ZNF354B: variants seen among roughly 807,000 people sequenced by gnomAD.
The protein encoded by ZNF354B is zinc finger protein 354B.
ZNF354B carries 10 observed loss-of-function variants against 12.9 expected under a neutral mutation model. The ratio of observed to expected loss-of-function variants is 0.77; its 90% CI spans 0.48 to 1.31. ZNF354B has a LOEUF of 1.31. Ranked by LOEUF, ZNF354B falls within the 40% of genes most tolerant of loss-of-function variation. The pLI, the probability that ZNF354B is intolerant of heterozygous loss-of-function variation, is 0.00. For missense variants in ZNF354B, 614 were observed against 711.7 expected (o/e 0.86, Z 1.56); for synonymous variants, 260 against 243.7 (o/e 1.07, Z -0.62).
chr5:178,878,049 A>G (rs7716977), intron 4 of ZNF354B, among the ~76,000 whole-genome samples: 6,238 of 152,200 alleles, frequency 0.041, 204 homozygotes, highest in East Asian at 0.12. Context: ...GGTGCTACTG[A>G]TGTCTATTGG....
chr5:178,860,879 T>C (rs1429332554), intron 1 of ZNF354B, 118 bp from the exon 2 acceptor site: 1 of 479,904 alleles, frequency 2.1e-6, no homozygotes, highest in East Asian at 4.5e-5. Flanking sequence ...TCCTGGCTCC[T>C]CCCGAATCCC....
Position 178,873,128 on chromosome 5 carries a change from T to C in ZNF354B, c.256+6057T>C, listed in dbSNP as rs6870889. ...ATAAAATGTCTGGGTATTTTGTTCA[T>C]TTTCTAGTTGAGTTATTTTGGAGTT... is the stretch of plus-strand genomic sequence containing the variant. On this transcript the variant is annotated intron_variant, in intron 4 of 4. Transcript: ENST00000322434. Among the ~76,000 whole-genome samples the C allele has an allele frequency of 5.3e-3, 807 of 152,296 alleles. 7 individuals carry two copies. Among genetic ancestry groups the C allele is most frequent in the African/African-American group, 0.018 (766 of 41,564 alleles).
chr5:178,880,718 C>T (rs1241691099), intron 4 of ZNF354B, among the ~76,000 whole-genome samples: 3 of 151,688 alleles, frequency 2.0e-5, no homozygotes, highest in African/African-American at 7.3e-5. Context: ...TGATCTCGAA[C>T]TCCTAGGCTC....
At chr5:178,878,618 T>G (rs1450489271) in intron 4 of ZNF354B, among the ~76,000 whole-genome samples, 1 of 152,234 alleles carries the variant, frequency 6.6e-6, no homozygotes, top group Non-Finnish European at 1.5e-5. Context: ...AAACTTCCAC[T>G]CTTGCTCTGA....
chr5:178,871,138 C>G (rs1206217713), intron 4 of ZNF354B, among the ~76,000 whole-genome samples: 2 of 152,172 alleles, frequency 1.3e-5, no homozygotes, highest in Non-Finnish European at 2.9e-5. Context: ...CCGTTGGTTT[C>G]CATCCCATAC....
rs541662268 is a variant in ZNF354B, at chr5:178,883,490, A to G, written c.1038A>G (p.Lys346=). Residue 346 remains lysine, a synonymous_variant, in exon 5 of 5, where the codon AAA becomes AAG. Coordinates refer to ENST00000322434, the MANE Select transcript of ZNF354B (RefSeq NM_058230.3). ...GCACTTCCCTTTCTGGAAGTCAGAAAATTCATCTCAGAAAGAAGTCCTACT... is the reference window on the plus strand; with the variant it reads ...GCACTTCCCTTTCTGGAAGTCAGAAGATTCATCTCAGAAAGAAGTCCTACT... The part of the protein sequence containing the change: ...SYSTSLSGSQ[K]IHLRKKSYLC... The G allele has an allele frequency of 5.0e-6, 8 of 1,614,150 alleles. No homozygotes were observed. In the South Asian group the frequency reaches 5.5e-5, roughly 11 times the overall value.
intron 4 of ZNF354B, among the ~76,000 whole-genome samples, chr5:178,871,450 C>G (rs1757563731): frequency 6.6e-6 from 1 of 152,232 alleles, no homozygotes; most frequent in African/African-American, 2.4e-5. Context: ...CTGCAGCCCC[C>G]ACGCCATCTC....
intron 4 of ZNF354B, among the ~76,000 whole-genome samples, chr5:178,867,985 A>T (rs1017763717): frequency 2.0e-5 from 3 of 152,202 alleles, no homozygotes. Flanking sequence ...CTTGCAGAGC[A>T]ATTGCAATCA....
intron 3 of ZNF354B, among the ~76,000 whole-genome samples, chr5:178,866,674 C>G (rs973175367): frequency 6.6e-6 from 1 of 150,666 alleles, no homozygotes; most frequent in East Asian, 1.9e-4. Context: ...GTTTGCTCAC[C>G]TCTCAGCAGA....
At chr5:178,879,333 C>T (rs1467309058) in intron 4 of ZNF354B, among the ~76,000 whole-genome samples, 3 of 151,810 alleles carry the variant, frequency 2.0e-5, no homozygotes, top group East Asian at 1.9e-4. Context: ...AGACGGGAGC[C>T]GCTGTGCCCA....
chr5:178,872,464 G>A (rs1366098231), intron 4 of ZNF354B, among the ~76,000 whole-genome samples: 3 of 152,142 alleles, frequency 2.0e-5, no homozygotes, highest in Non-Finnish European at 4.4e-5. Context: ...GCAGGTTTTT[G>A]TGCAAAAATT....
chr5:178,869,101 G>C (rs1193566762), intron 4 of ZNF354B, among the ~76,000 whole-genome samples: 1 of 152,222 alleles, frequency 6.6e-6, no homozygotes, highest in Non-Finnish European at 1.5e-5. Context: ...TGAGAGCTAA[G>C]CATAGGCTCT....
At chr5:178,862,323 G>C (rs1217596647) in intron 2 of ZNF354B, among the ~76,000 whole-genome samples, 1 of 151,190 alleles carries the variant, frequency 6.6e-6, no homozygotes, top group Non-Finnish European at 1.5e-5. Flanking sequence ...GGCAGATGCA[G>C]CCACGCGATA....
intron 4 of ZNF354B, among the ~76,000 whole-genome samples, chr5:178,872,932 G>A (rs1424538534): frequency 6.6e-6 from 1 of 151,968 alleles, no homozygotes; most frequent in Non-Finnish European, 1.5e-5. Flanking sequence ...GATTACAGGT[G>A]CATGCCACCA....
intron 4 of ZNF354B, among the ~76,000 whole-genome samples, chr5:178,877,749 G>A (rs1011824519): frequency 6.6e-6 from 1 of 152,180 alleles, no homozygotes; most frequent in African/African-American, 2.4e-5. Flanking sequence ...GAGATGAGGA[G>A]ATTGGAGATG....
intron 2 of ZNF354B, among the ~76,000 whole-genome samples, chr5:178,865,606 T>G (rs976594568): frequency 1.3e-5 from 2 of 152,230 alleles, no homozygotes; most frequent in African/African-American, 4.8e-5. Flanking sequence ...TGACTTTGCT[T>G]TCTGTGATGT....
intron 1 of ZNF354B, among the ~76,000 whole-genome samples, chr5:178,860,487 G>A (rs576170941): frequency 2.2e-4 from 33 of 152,280 alleles, no homozygotes; most frequent in African/African-American, 7.5e-4. Context: ...CTCCTGCCTC[G>A]GGACACCCAG....
chr5:178,870,079 A>G (rs1026015002), intron 4 of ZNF354B, among the ~76,000 whole-genome samples: 3 of 147,014 alleles, frequency 2.0e-5, no homozygotes, highest in Admixed American at 1.3e-4. Context: ...TGGGAGGCCA[A>G]GGTGGGAGGA....
intron 4 of ZNF354B, among the ~76,000 whole-genome samples, chr5:178,872,985 A>C (rs1322445303): frequency 6.6e-6 from 1 of 151,944 alleles, no homozygotes; most frequent in Non-Finnish European, 1.5e-5. Flanking sequence ...ACAGGGTTTC[A>C]CCTTATTGGC....
Sources: gnomAD v4.1 joint callset for allele counts (sites outside exome capture counted in the v4.1 genomes callset) on GRCh38, gnomAD v4.1.1 for gene constraint, MANE v1.5 for transcripts, NCBI Gene and HGNC (gene_info 2026-07-23, HGNC 2026-07-21) for gene names.